PAPPA: variants seen among roughly 807,000 people sequenced by gnomAD.
The protein encoded by PAPPA is pappalysin 1.
Under a neutral mutation model 164.0 loss-of-function variants are expected in PAPPA, and 60 were observed. That is an observed-to-expected ratio of 0.37 (90% CI 0.30 to 0.45). The LOEUF is 0.45. Among genes scored for constraint, PAPPA ranks in the 20% least tolerant of loss-of-function variants. The pLI is 1.00. For missense variants in PAPPA, 1,782 were observed against 2,087.3 expected (o/e 0.85, Z 2.85); for synonymous variants, 875 against 814.1 (o/e 1.07, Z -1.27).
chr9:116,256,770 C>T (rs1194787008), intron 7 of PAPPA, among the ~76,000 whole-genome samples: 1 of 151,866 alleles, frequency 6.6e-6, no homozygotes, highest in Non-Finnish European at 1.5e-5. Flanking sequence ...ACACATTTTT[C>T]TCAATAATTT....
At chr9:116,278,816 A>G (rs912068609) in intron 9 of PAPPA, among the ~76,000 whole-genome samples, 1 of 152,212 alleles carries the variant, frequency 6.6e-6, no homozygotes, top group Non-Finnish European at 1.5e-5. Context: ...CTTCTGAAAA[A>G]TGGACGTAAT....
chr9:116,352,684 C>T (rs1846297792), intron 15 of PAPPA, 22 bp from the exon 16 acceptor site: 4 of 1,601,320 alleles, frequency 2.5e-6, no homozygotes, highest in African/African-American at 1.3e-5. Context: ...CTCCTCTAAC[C>T]CTGCTTGCCT....
At chr9:116,369,232 C>T (rs115669141) in intron 19 of PAPPA, among the ~76,000 whole-genome samples, 1,895 of 152,220 alleles carry the variant, frequency 0.012, 27 homozygotes, top group African/African-American at 0.033. Flanking sequence ...TCATCTGTTT[C>T]CTCCACCATT....
rs894417573 is a variant in PAPPA at position 116,187,323 on chromosome 9, G to A, written c.585G>A (p.Gln195=). ...CCCACCGCAGCTACCTCCCAGGCCA[G>A]TGGGTATACCTAGCTGCCACCTATG... ...INAHRSYLPG[Q]WVYLAATYDG... The change falls in exon 2 of 22, where the codon CAG becomes CAA. Residue 195 remains glutamine, a synonymous_variant. Coordinates refer to ENST00000328252, the MANE Select transcript of PAPPA (RefSeq NM_002581.5). The surrounding 1 kb of genome is among the most constrained non-coding windows in gnomAD (Gnocchi z 4.2). 1.2e-6 allele frequency: 2 copies of A among 1,614,156 alleles called. No individual in the cohort carries two copies. Among genetic ancestry groups the A allele is most frequent in the Admixed American group, 1.7e-5 (1 of 60,032 alleles).
At chr9:116,182,653 T>C (rs1203910129) in intron 1 of PAPPA, among the ~76,000 whole-genome samples, 2 of 152,204 alleles carry the variant, frequency 1.3e-5, no homozygotes, top group Non-Finnish European at 2.9e-5. Flanking sequence ...TGAGCTTTTC[T>C]CCTTTGTGGA....
At chr9:116,178,628 T>G (rs1843864863) in intron 1 of PAPPA, among the ~76,000 whole-genome samples, 1 of 152,214 alleles carries the variant, frequency 6.6e-6, no homozygotes. Flanking sequence ...GATACACAGA[T>G]CAGCCTCACA....
chr9:116,252,684 G>A (rs751716474), intron 7 of PAPPA, among the ~76,000 whole-genome samples: 9 of 152,140 alleles, frequency 5.9e-5, no homozygotes, highest in South Asian at 2.1e-4. Context: ...AGTTCCTTGC[G>A]TTTACAACAG....
chr9:116,301,057 A>G (rs1845574416), intron 9 of PAPPA, among the ~76,000 whole-genome samples: 1 of 152,016 alleles, frequency 6.6e-6, no homozygotes. Context: ...GACAGAAACC[A>G]AACCCTTGTC....
At chr9:116,302,466 C>T (rs894532914) in intron 9 of PAPPA, among the ~76,000 whole-genome samples, 6 of 152,060 alleles carry the variant, frequency 3.9e-5, no homozygotes, top group East Asian at 1.9e-4. Flanking sequence ...ATCTATAAGT[C>T]GAATCATGCA....
intron 1 of PAPPA, among the ~76,000 whole-genome samples, chr9:116,180,548 A>T (rs1313273878): frequency 2.0e-5 from 3 of 152,150 alleles, no homozygotes; most frequent in Admixed American, 6.6e-5. Flanking sequence ...TTATTTATTT[A>T]AAAATACCAC....
intron 11 of PAPPA, 95 bp from the exon 12 acceptor site, chr9:116,332,238 A>C: frequency 9.2e-7 from 1 of 1,092,754 alleles, no homozygotes; most frequent in Non-Finnish European, 1.4e-6. Context: ...CAGTTCTTAA[A>C]AAGGAAGTTT....
At chr9:116,346,627 A>G (rs1397602367) in intron 14 of PAPPA, among the ~76,000 whole-genome samples, 3 of 152,214 alleles carry the variant, frequency 2.0e-5, no homozygotes, top group Non-Finnish European at 4.4e-5. Flanking sequence ...ATTGAACTGT[A>G]TTTCACAGTC....
In PAPPA at chr9:116,154,409, G is replaced by A; in HGVS notation, c.237G>A (p.Gln79=). Residue 79 remains glutamine, a synonymous_variant, in exon 1 of 22, where the codon CAG becomes CAA. Transcript: ENST00000328252. The surrounding 1 kb of genome is among the most constrained non-coding windows in gnomAD (Gnocchi z 5.2). The part of the protein sequence containing the change: ...WEAVRVPRRR[Q]QREARGATEE... Reference sequence around the variant, plus strand: ...CCGTGCGCGTCCCCCGGCGGCGGCAGCAGCGGGAGGCGAGGGGCGCCACCG... The same window carrying A: ...CCGTGCGCGTCCCCCGGCGGCGGCAACAGCGGGAGGCGAGGGGCGCCACCG... 2 of 1,191,268 alleles carry A rather than the reference G, an allele frequency of 1.7e-6. No homozygotes were observed. Among genetic ancestry groups the A allele is most frequent in the African/African-American group, 1.6e-5 (1 of 62,812 alleles). The allele number at this position is 1,191,268 out of a possible 1,614,324, so 73.8% of individuals were successfully genotyped here.
At chr9:116,318,421 T>TTGAA (rs1408598354) in intron 10 of PAPPA, 1 of 152,028 alleles carries the variant, frequency 6.6e-6, no homozygotes, top group Non-Finnish European at 1.5e-5. Flanking sequence ...TAAATAAATG[T>TTGAA]TGAATGAATG....
Position 116,211,891 on chromosome 9 carries a change from G to A in PAPPA, c.1877G>A (p.Ser626Asn). ...GGAAATGACACCTGTGGCTTTCATA[G>A]CTTCTTCAACACTCCTTACAACAAC... is the stretch of plus-strand genomic sequence containing the variant. ...GPGNDTCGFH[S>N]FFNTPYNNFM... The change falls in exon 4 of 22, where the codon AGC becomes AAC. Residue 626 changes from serine to asparagine, a missense_variant. Ser to Asn is a conservative substitution (Grantham distance 46). This residue lies in a region of PAPPA where 1,324 missense variants were observed against 1,656.9 expected (regional missense o/e 0.80). Coordinates refer to ENST00000328252, the MANE Select transcript of PAPPA (RefSeq NM_002581.5). 33 of 1,614,086 alleles carry A rather than the reference G, an allele frequency of 2.0e-5. No individual in the cohort carries two copies. The highest frequency in any genetic ancestry group is 2.8e-5 in the Non-Finnish European group (33 of 1,179,982).
intron 21 of PAPPA, among the ~76,000 whole-genome samples, chr9:116,383,814 A>C (rs1293156342): frequency 6.6e-6 from 1 of 152,190 alleles, no homozygotes; most frequent in Non-Finnish European, 1.5e-5. Context: ...TTTTTGATTG[A>C]TAGGACACTG....
intron 1 of PAPPA, among the ~76,000 whole-genome samples, chr9:116,177,340 G>A (rs923763488): frequency 6.6e-6 from 1 of 152,138 alleles, no homozygotes; most frequent in African/African-American, 2.4e-5. Context: ...ACTCATGCAA[G>A]CACCCTCACA....
Position 116,400,346 on chromosome 9 carries a change from T to C in PAPPA, c.*3730T>C, listed in dbSNP as rs572715089. 1 of 152,324 alleles carries C rather than the reference T, an allele frequency of 6.6e-6. No individual in the cohort carries two copies. Among genetic ancestry groups the C allele is most frequent in the East Asian group, 1.9e-4 (1 of 5,182 alleles). 9.4% of individuals were successfully genotyped at this position (152,324 alleles called of 1,614,324 possible). A position where few individuals can be genotyped will look rare whatever the true frequency, so the allele number is the denominator to read the frequency against. On this transcript the variant is annotated 3_prime_UTR_variant, in exon 22 of 22. Transcript: ENST00000328252. Reference sequence around the variant, plus strand: ...TGATAACACTGTCTGTTATTTTCTGTACATTGTGGTAGGTCCAGGAAATAT... The same window carrying C: ...TGATAACACTGTCTGTTATTTTCTGCACATTGTGGTAGGTCCAGGAAATAT...
At chr9:116,220,190 T>C (rs1844427045) in intron 5 of PAPPA, 61 bp downstream of exon 5, 1 of 1,346,024 alleles carries the variant, frequency 7.4e-7, no homozygotes, top group Non-Finnish European at 1.0e-6. Flanking sequence ...AGAAGGAAAC[T>C]TGGAAGGGAA....
Sources: allele counts gnomAD v4.1 joint callset (sites outside exome capture counted in the v4.1 genomes callset), GRCh38; gene constraint gnomAD v4.1.1; regional missense constraint gnomAD v4.1.1; non-coding constraint Gnocchi (gnomAD v3.1); transcripts MANE v1.5; gene names NCBI Gene and HGNC (gene_info 2026-07-23, HGNC 2026-07-21).